Variants in ZNF114 observed in about 807,000 individuals in gnomAD.
ZNF114 encodes the protein zinc finger protein 114.
In ZNF114, 8 loss-of-function variants were observed where a neutral mutation model predicts 6.8. The observed-to-expected ratio is 1.18, with a 90% CI of 0.69 to 2.13. ZNF114 has a LOEUF of 2.13. Among genes scored for constraint, ZNF114 ranks in the 30% most tolerant of loss-of-function variants. The probability of loss-of-function intolerance (pLI) is 0.00; values close to 1 mark genes in which losing one functional copy is unlikely to be tolerated. For synonymous variants in ZNF114, 169 were observed against 185.5 expected, an observed-to-expected ratio of 0.91 and a Z score of 0.72; for missense variants, 472 against 519.5, an observed-to-expected ratio of 0.91 and a Z score of 0.89.
intron 3 of ZNF114, among the ~76,000 whole-genome samples, chr19:48,273,510 G>C (rs1207484060): frequency 1.3e-5 from 2 of 151,544 alleles, no homozygotes; most frequent in East Asian, 1.9e-4. Context: ...ATTGTATTGG[G>C]GAAAGGACGG....
chr19:48,283,595 G>T (rs1457294316), intron 5 of ZNF114, among the ~76,000 whole-genome samples: 1 of 152,156 alleles, frequency 6.6e-6, no homozygotes, highest in African/African-American at 2.4e-5. Context: ...CAGCAGCATG[G>T]TAACAGAGCA....
Position 48,285,851 on chromosome 19 carries a change from T to C in ZNF114, c.227T>C (p.Leu76Pro). The C allele has an allele frequency of 6.2e-7, 1 of 1,614,150 alleles. No individual in the cohort carries two copies. Among genetic ancestry groups the C allele is most frequent in the Non-Finnish European group, 8.5e-7 (1 of 1,180,032 alleles). ...RTFPEANRVC[L>P]TSISSQHSTL... ...TTTCCTGAAGCCAACAGAGTGTGTC[T>C]CACGAGCATCAGTTCCCAGCACTCC... is the stretch of plus-strand genomic sequence containing the variant. Residue 76 changes from leucine (L) to proline (P), a missense_variant, in exon 6 of 6, where the codon CTC (leucine) becomes CCC (proline). Leu to Pro is a moderately conservative substitution (Grantham distance 98). Transcript: ENST00000595607.
At chr19:48,285,052 A>T (rs1488683369) in intron 5 of ZNF114, among the ~76,000 whole-genome samples, 3 of 152,212 alleles carry the variant, frequency 2.0e-5, no homozygotes, top group Non-Finnish European at 4.4e-5. Context: ...ACTGTTCCTC[A>T]GTAACATGAC....
chr19:48,285,647 GGAAAGAAAGAAA>G (rs140236127), intron 5 of ZNF114, 102 bp from the exon 6 acceptor site: 19 of 1,189,994 alleles, frequency 1.6e-5, no homozygotes, highest in East Asian at 1.0e-4. Flanking sequence ...AGGGAGGGAG[GGAAAGAAAGAAA>G]GAAAGAAAGA....
intron 3 of ZNF114, among the ~76,000 whole-genome samples, chr19:48,275,602 C>T (rs910649768): frequency 1.3e-5 from 2 of 150,740 alleles, no homozygotes; most frequent in African/African-American, 4.9e-5. Context: ...AGAGCGAGAC[C>T]TTGTCTTGAA....
chr19:48,270,665 AAGAAAG>A (rs1449656076), intron 1 of ZNF114, among the ~76,000 whole-genome samples: 1 of 97,646 alleles, frequency 1.0e-5, no homozygotes, highest in East Asian at 2.6e-4. Context: ...AAAAAGAAGA[AAGAAAG>A]AGAAAAAAGG....
intron 4 of ZNF114, among the ~76,000 whole-genome samples, chr19:48,281,067 C>T (rs923526213): frequency 6.6e-6 from 1 of 152,122 alleles, no homozygotes; most frequent in African/African-American, 2.4e-5. Flanking sequence ...CGCTTGAGCC[C>T]AGCAGTTCGA....
At position 48,285,770 on chromosome 19, in the gene ZNF114, C is replaced by T; in HGVS notation, c.146C>T (p.Thr49Ile). The stretch of plus-strand genomic sequence containing the variant: ...TGCCACTGTATTTCAGATTGGGCAA[C>T]TCCATGTAAAACCAAAGACGCAACC... The part of the protein sequence containing the change: ...SRNLAFIDWA[T>I]PCKTKDATPQ... The change falls in exon 6 of 6, where the codon ACT becomes ATT. Residue 49 changes from threonine to isoleucine, a missense_variant. Thr to Ile is a moderately conservative substitution (Grantham distance 89, BLOSUM62 -1). Transcript: ENST00000595607. 1 of 1,605,492 alleles carries T rather than the reference C, an allele frequency of 6.2e-7. No individual in the cohort carries two copies. The highest frequency in any genetic ancestry group is 8.5e-7 in the Non-Finnish European group (1 of 1,177,242).
intron 5 of ZNF114, among the ~76,000 whole-genome samples, 178 bp downstream of exon 5, chr19:48,282,675 CTTTA>C (rs1376217442): frequency 4.7e-5 from 7 of 148,476 alleles, no homozygotes; most frequent in Non-Finnish European, 7.5e-5. Flanking sequence ...TGTTGCATTA[CTTTA>C]TTTATTTTAT....
intron 5 of ZNF114, among the ~76,000 whole-genome samples, chr19:48,283,432 C>G (rs997004828): frequency 6.6e-6 from 1 of 152,142 alleles, no homozygotes; most frequent in Non-Finnish European, 1.5e-5. Context: ...CATGCTTGCC[C>G]AGTGAGCAGG....
intron 3 of ZNF114, among the ~76,000 whole-genome samples, chr19:48,275,419 A>AACAAACACACAC (rs1291408351): frequency 7.5e-6 from 1 of 133,116 alleles, no homozygotes; most frequent in African/African-American, 3.0e-5. Context: ...TCTCTACTAA[A>AACAAACACACAC]ACACACACAC....
At chr19:48,277,794 G>GGGGGGTGTGTGTGTGTGTGTGTGTGT (rs1330052475) in intron 3 of ZNF114, among the ~76,000 whole-genome samples, 39 of 119,412 alleles carry the variant, frequency 3.3e-4, no homozygotes, top group South Asian at 1.6e-3. Context: ...GGAGGCATTG[G>GGGGGGTGTGTGTGTGTGTGTGTGTGT]GTGTGTGTGT....
chr19:48,274,184 T>C (rs1032257865), intron 3 of ZNF114, among the ~76,000 whole-genome samples: 1 of 151,632 alleles, frequency 6.6e-6, no homozygotes, highest in East Asian at 1.9e-4. Flanking sequence ...TTTTCTCATA[T>C]GATTAATTTA....
intron 3 of ZNF114, among the ~76,000 whole-genome samples, chr19:48,273,951 G>T (rs1275349247): frequency 6.6e-6 from 1 of 151,574 alleles, no homozygotes; most frequent in East Asian, 1.9e-4. Flanking sequence ...TAGAGACGGG[G>T]TTTCACCGTG....
intron 4 of ZNF114, among the ~76,000 whole-genome samples, chr19:48,280,446 AG>A (rs1967959638): frequency 6.6e-6 from 1 of 152,042 alleles, no homozygotes; most frequent in African/African-American, 2.4e-5. Flanking sequence ...AGGGTCTCAC[AG>A]GGGACACTAG....
chr19:48,276,762 G>A (rs376020987), intron 3 of ZNF114, among the ~76,000 whole-genome samples: 4 of 152,310 alleles, frequency 2.6e-5, no homozygotes, highest in African/African-American at 9.6e-5. Context: ...GGGCTCAAGT[G>A]ATCCTCCTGC....
chr19:48,272,943 C>T (rs920139601), intron 3 of ZNF114, among the ~76,000 whole-genome samples: 8 of 151,922 alleles, frequency 5.3e-5, no homozygotes, highest in South Asian at 2.1e-4. Flanking sequence ...CTACAGGCGC[C>T]CGCCACCGCG....
rs780435340 is a variant in ZNF114 at position 48,286,755 on chromosome 19, A to G, written c.1131A>G (p.Thr377=). 5 of 1,613,790 alleles carry G rather than the reference A, an allele frequency of 3.1e-6. No homozygotes were observed. Among genetic ancestry groups the G allele is most frequent in the Non-Finnish European group, 4.2e-6 (5 of 1,179,956 alleles). Reference sequence around the variant, plus strand: ...TCATTCGGGAGTCCTCAAAATATACACATATAAGGAGCCACACTGGAGAGA... The same window carrying G: ...TCATTCGGGAGTCCTCAAAATATACGCATATAAGGAGCCACACTGGAGAGA... ...GKVIRESSKY[T]HIRSHTGEKP... The change falls in exon 6 of 6, where the codon ACA becomes ACG. Residue 377 remains threonine, a synonymous_variant. Transcript: ENST00000595607.
rs758191153 is a variant in ZNF114 at position 48,286,486 on chromosome 19, G to A, written c.862G>A (p.Ala288Thr). Residue 288 changes from alanine (A) to threonine (T), a missense_variant, in exon 6 of 6, where the codon GCT (alanine) becomes ACT (threonine). By Grantham distance (58) the Ala-to-Thr change is moderately conservative (BLOSUM62 0). Transcript: ENST00000595607. ...DCQTGATSANAPNSGSHKSHC... is the reference protein window; with the variant it reads ...DCQTGATSANTPNSGSHKSHC... ...TCAAACTGGGGCAACCTCTGCCAAC[G>A]CTCCAAATTCCGGTTCACACAAGAG... The A allele has an allele frequency of 1.9e-5, 30 of 1,614,052 alleles. No homozygotes were observed. Among genetic ancestry groups the A allele is most frequent in the Non-Finnish European group, 2.2e-5 (26 of 1,180,042 alleles).
Sources: gnomAD v4.1 joint callset for allele counts (sites outside exome capture counted in the v4.1 genomes callset) on GRCh38, gnomAD v4.1.1 for gene constraint, MANE v1.5 for transcripts, NCBI Gene and HGNC (gene_info 2026-07-23, HGNC 2026-07-21) for gene names.